ZNF384: variants seen among roughly 807,000 people sequenced by gnomAD.
ZNF384 encodes the protein CAG repeat protein 1.
Under a neutral mutation model 65.0 loss-of-function variants are expected in ZNF384, and 20 were observed. The ratio of observed to expected loss-of-function variants is 0.31; its 90% confidence interval spans 0.22 to 0.45. The LOEUF (loss-of-function observed/expected upper bound fraction) is 0.45, where lower values mean the gene tolerates loss of function less well. Ranked by LOEUF, ZNF384 falls within the 20% of genes least tolerant of loss-of-function variation. The pLI, the probability that ZNF384 is intolerant of heterozygous loss-of-function variation, is 1.00. For missense variants in ZNF384, 549 were observed against 769.4 expected (o/e 0.71, Z 3.39); for synonymous variants, 310 against 303.9 (o/e 1.02, Z -0.21).
chr12:6,679,583 A>G, intron 2 of ZNF384, 58 bp from the exon 3 acceptor site: 1 of 1,413,700 alleles, frequency 7.1e-7, no homozygotes, highest in Non-Finnish European at 1.0e-6. Flanking sequence ...AAAGCTAAGC[A>G]ATGGAGAAGG....
In ZNF384 at chr12:6,667,652, G is replaced by A; in HGVS notation, c.*62C>T. 1.2e-6 allele frequency: 2 copies of A among 1,609,022 alleles called. No individual in the cohort carries two copies. Among genetic ancestry groups the A allele is most frequent in the Non-Finnish European group, 1.7e-6 (2 of 1,176,512 alleles). On this transcript the variant is annotated 3_prime_UTR_variant, in exon 12 of 12. Transcript: ENST00000683879. ...AAGAAAAGGACTTTTCCCACCAAGAGTTGGAGAAAGAAGACACCAGGACTA... is the reference window on the plus strand; with the variant it reads ...AAGAAAAGGACTTTTCCCACCAAGAATTGGAGAAAGAAGACACCAGGACTA...
At position 6,678,155 on chromosome 12, in the gene ZNF384, C is replaced by T; in HGVS notation, c.658G>A (p.Asp220Asn). The change falls in exon 6 of 12, where the codon GAC becomes AAC. Residue 220 changes from aspartate (D) to asparagine (N), a missense_variant. By Grantham distance (23) the Asp-to-Asn change is conservative. This residue lies in a region of ZNF384 where 277 missense variants were observed against 337.2 expected (regional missense o/e 0.82). Transcript: ENST00000683879. The surrounding 1 kb of genome is among the most constrained non-coding windows in gnomAD (Gnocchi z 4.9). ...PYVLSPEDDD[D>N]HQKDGKTYRS... ...TAGGTCTTGCCGTCTTTCTGATGGTCATCATCATCCTCAGGGGAGAGGACA... is the reference window on the plus strand; with the variant it reads ...TAGGTCTTGCCGTCTTTCTGATGGTTATCATCATCCTCAGGGGAGAGGACA... 1.9e-6 allele frequency: 3 copies of T among 1,613,220 alleles called. No individual in the cohort carries two copies. The highest frequency in any genetic ancestry group is 2.5e-6 in the Non-Finnish European group (3 of 1,179,318).
chr12:6,672,131 C>CA lies in ZNF384; in HGVS notation c.1187+218dup. ...CATGGATCAGTGAATATCATATAGT[C>CA]ACTGCAGCTCCCCGACGTAGCTCTT... On this transcript the variant is annotated intron_variant, in intron 9 of 11. Transcript: ENST00000683879. The surrounding 1 kb of genome is among the most constrained non-coding windows in gnomAD (Gnocchi z 4.4). 1.8e-6 allele frequency: 1 copy of CA among 547,856 alleles called. No homozygotes were observed. Among genetic ancestry groups the CA allele is most frequent in the Non-Finnish European group, 3.3e-6 (1 of 304,818 alleles). The allele number at this position is 547,856 out of a possible 1,614,324, so 33.9% of individuals were successfully genotyped here.
rs2136650751 is a variant in ZNF384 at position 6,673,405 on chromosome 12, G to A, written c.815C>T (p.Ser272Leu). 5 of 1,614,098 alleles carry A rather than the reference G, an allele frequency of 3.1e-6. No individual in the cohort carries two copies. The highest frequency in any genetic ancestry group is 3.4e-6 in the Non-Finnish European group (4 of 1,180,022). The change falls in exon 8 of 12, where the codon TCG becomes TTG. Residue 272 changes from serine to leucine, a missense_variant. Ser to Leu is a moderately radical substitution (Grantham distance 145). Transcript: ENST00000683879. This position sits in a 1 kb window ranked among gnomAD's most constrained non-coding sequence, Gnocchi z 4.7. Reference protein sequence around the residue: ...RMCSLTFYSKSEMQIHSKSHT... With the variant: ...RMCSLTFYSKLEMQIHSKSHT... The stretch of plus-strand genomic sequence containing the variant: ...TGACTTGGAGTGGATCTGCATCTCC[G>A]ACTTGGAGTAGAATGTCAGTGAGCA...
intron 2 of ZNF384, among the ~76,000 whole-genome samples, chr12:6,687,138 C>T (rs1404824948): frequency 2.6e-5 from 4 of 152,292 alleles, no homozygotes; most frequent in South Asian, 2.1e-4. Flanking sequence ...TAGGATGTGA[C>T]GCTTTCCCGC....
In ZNF384 at chr12:6,677,216, G is replaced by A; in HGVS notation, c.730C>T (p.Leu244Phe). The A allele has an allele frequency of 7.7e-7, 1 of 1,297,036 alleles. No individual in the cohort carries two copies. 80.3% of individuals were successfully genotyped at this position (1,297,036 alleles called of 1,614,324 possible). A position where few individuals can be genotyped will look rare whatever the true frequency, so the allele number is the denominator to read the frequency against. Residue 244 changes from leucine (L) to phenylalanine (F), a missense_variant, in exon 7 of 12, where the codon CTC (leucine) becomes TTC (phenylalanine). Physicochemically the swap from Leu to Phe is conservative, Grantham distance 22. Coordinates refer to ENST00000683879, the MANE Select transcript of ZNF384 (RefSeq NM_001385745.1). ...CGTGNGQSLG[L>F]MDSVPGSTTN... ...GTGGAGCCGGGAACTGAATCCATGA[G>A]CCCAAGGCTCTGTCCATTTCCTGTG... is the stretch of plus-strand genomic sequence containing the variant.
Position 6,679,447 on chromosome 12 carries a change from C to T in ZNF384, c.66+8G>A. ...ACTTGGAGAGAGCAAGAAAGCAACA[C>T]CACTTACCTGACCTGAGACTGTGGG... On this transcript the variant is annotated splice_region_variant and intron_variant, in intron 3 of 11. Transcript: ENST00000683879. 2 of 1,613,620 alleles carry T rather than the reference C, an allele frequency of 1.2e-6. No individual in the cohort carries two copies. Among genetic ancestry groups the T allele is most frequent in the Non-Finnish European group, 8.5e-7 (1 of 1,179,522 alleles).
chr12:6,679,974 G>C lies in ZNF384; in HGVS notation c.-5-449C>G, dbSNP rs114134697. Among the ~76,000 whole-genome samples the C allele has an allele frequency of 7.7e-3, 1,170 of 152,278 alleles. 16 individuals are homozygous for C. Among genetic ancestry groups the C allele is most frequent in the African/African-American group, 0.025 (1,021 of 41,548 alleles). On this transcript the variant is annotated intron_variant, in intron 2 of 11. Coordinates refer to ENST00000683879, the MANE Select transcript of ZNF384 (RefSeq NM_001385745.1). Reference sequence around the variant, plus strand: ...CTTCAAAACTATATTCCTTGAAATAGAAATTTTAGTTTTTCTGTTTTTGAG... The same window carrying C: ...CTTCAAAACTATATTCCTTGAAATACAAATTTTAGTTTTTCTGTTTTTGAG...
chr12:6,667,876 AGGAGACT>A lies in ZNF384; in HGVS notation c.1658_1664del (p.Gln553LeufsTer25). 1 of 1,613,718 alleles carries A rather than the reference AGGAGACT, an allele frequency of 6.2e-7. No individual in the cohort carries two copies. Among genetic ancestry groups the A allele is most frequent in the Non-Finnish European group, 8.5e-7 (1 of 1,179,914 alleles). ...CACCCCCACCCTGGGGGGCTGCCCC[AGGAGACT>A]GGAAGTGTGGTGGTGGCTGTTGCTG... On this transcript the variant is annotated frameshift_variant, in exon 12 of 12. Coordinates refer to ENST00000683879, the MANE Select transcript of ZNF384 (RefSeq NM_001385745.1). LOFTEE classifies it high-confidence loss of function.
intron 7 of ZNF384, among the ~76,000 whole-genome samples, chr12:6,674,743 T>C (rs1210846257): frequency 6.6e-6 from 1 of 152,234 alleles, no homozygotes; most frequent in Non-Finnish European, 1.5e-5. Flanking sequence ...AGACCTCAAT[T>C]TTCTGGTCTG....
At position 6,672,491 on chromosome 12, in the gene ZNF384, T is replaced by C; in HGVS notation, c.1046A>G (p.Lys349Arg). The C allele has an allele frequency of 6.2e-7, 1 of 1,614,044 alleles. No individual in the cohort carries two copies. The highest frequency in any genetic ancestry group is 8.5e-7 in the Non-Finnish European group (1 of 1,179,988). The change falls in exon 9 of 12, where the codon AAG becomes AGG. Residue 349 changes from lysine to arginine, a missense_variant. Around this residue, in one of 5 missense-constraint regions of ZNF384, gnomAD observed 59 missense variants for 63.6 expected, o/e 0.93. Coordinates refer to ENST00000683879, the MANE Select transcript of ZNF384 (RefSeq NM_001385745.1). This position sits in a 1 kb window ranked among gnomAD's most constrained non-coding sequence, Gnocchi z 4.4. ...KMHTETIKPH[K>R]CPHCSKTFAN... The stretch of plus-strand genomic sequence containing the variant: ...GAAGGTCTTGGAGCAGTGCGGGCAC[T>C]TGTGGGGCTTGATGGTCTCCGTGTG...
At chr12:6,677,964 C>T (rs1216270823) in intron 6 of ZNF384, among the ~76,000 whole-genome samples, 163 bp downstream of exon 6, 2 of 152,220 alleles carry the variant, frequency 1.3e-5, no homozygotes, top group African/African-American at 2.4e-5. Flanking sequence ...ATGCTAGCAG[C>T]TCTGCCTCCT....
rs757792282 is a variant in ZNF384 at position 6,678,314 on chromosome 12, T to C, written c.499A>G (p.Lys167Glu). 6.2e-7 allele frequency: 1 copy of C among 1,614,074 alleles called. No individual in the cohort carries two copies. Among genetic ancestry groups the C allele is most frequent in the South Asian group, 1.1e-5 (1 of 91,068 alleles). Reference protein sequence around the residue: ...ALQVVPDLSKKVASTLTEEGG... With the variant: ...ALQVVPDLSKEVASTLTEEGG... Reference sequence around the variant, plus strand: ...TCCTCGGTTAGGGTCGATGCTACCTTCTTGGAGAGGTCAGGGACAACCTGC... The same window carrying C: ...TCCTCGGTTAGGGTCGATGCTACCTCCTTGGAGAGGTCAGGGACAACCTGC... The change falls in exon 6 of 12, where the codon AAG becomes GAG. Residue 167 changes from lysine to glutamate, a missense_variant. Transcript: ENST00000683879. The surrounding 1 kb of genome is among the most constrained non-coding windows in gnomAD (Gnocchi z 4.9).
At chr12:6,675,219 T>C (rs575762668) in intron 7 of ZNF384, among the ~76,000 whole-genome samples, 34 of 152,226 alleles carry the variant, frequency 2.2e-4, no homozygotes, top group Non-Finnish European at 3.7e-4. Context: ...ATAATGATGA[T>C]GACCACAATG....
Position 6,670,970 on chromosome 12 carries a change from C to T in ZNF384, c.1188-132G>A, listed in dbSNP as rs1177769739. The stretch of plus-strand genomic sequence containing the variant: ...AGATGGGCCTCCAAGAGGCACCAGC[C>T]TTCCTCTCTGATGTGGATCAGGTAC... On this transcript the variant is annotated intron_variant, in intron 9 of 11. Transcript: ENST00000683879. 4 of 702,358 alleles carry T rather than the reference C, an allele frequency of 5.7e-6. No homozygotes were observed. The East Asian group carries it at 7.7e-5, about 14-fold the overall frequency. The allele number at this position is 702,358 out of a possible 1,614,324, so 43.5% of individuals were successfully genotyped here. A position where few individuals can be genotyped will look rare whatever the true frequency, so the allele number is the denominator to read the frequency against.
At position 6,672,476 on chromosome 12, in the gene ZNF384, G is replaced by C. The variant is rs767938937; in HGVS notation, c.1061C>G (p.Ser354Cys). The change falls in exon 9 of 12, where the codon TCC (serine) becomes TGC (cysteine). Residue 354 changes from serine (S) to cysteine (C), a missense_variant. By Grantham distance (112) the Ser-to-Cys change is moderately radical. Around this residue, in one of 5 missense-constraint regions of ZNF384, gnomAD observed 59 missense variants for 63.6 expected, o/e 0.93. Transcript: ENST00000683879. The surrounding 1 kb of genome is among the most constrained non-coding windows in gnomAD (Gnocchi z 4.4). ...GTAGGAGGTGTTGGCGAAGGTCTTG[G>C]AGCAGTGCGGGCACTTGTGGGGCTT... ...TIKPHKCPHC[S>C]KTFANTSYLA... 1 of 1,614,174 alleles carries C rather than the reference G, an allele frequency of 6.2e-7. No individual in the cohort carries two copies. Among genetic ancestry groups the C allele is most frequent in the South Asian group, 1.1e-5 (1 of 91,084 alleles).
chr12:6,671,668 A>G (rs1035182143), intron 9 of ZNF384: 1 of 152,364 alleles, frequency 6.6e-6, no homozygotes, highest in Non-Finnish European at 1.5e-5. Flanking sequence ...GAGACGGTCT[A>G]TGGCCTGTAA....
At chr12:6,684,966 C>A (rs1402183084) in intron 2 of ZNF384, among the ~76,000 whole-genome samples, 1 of 152,162 alleles carries the variant, frequency 6.6e-6, no homozygotes, top group Non-Finnish European at 1.5e-5. Flanking sequence ...CAATCAGGCA[C>A]ATATCAACAT....
chr12:6,672,094 G>A lies in ZNF384; in HGVS notation c.1187+256C>T, dbSNP rs1340761911. ...GAAAAGTTGTTTCTACTCCAGGTACGTGTCTGTCTCCCATGGATCAGTGAA... is the reference window on the plus strand; with the variant it reads ...GAAAAGTTGTTTCTACTCCAGGTACATGTCTGTCTCCCATGGATCAGTGAA... On this transcript the variant is annotated intron_variant, in intron 9 of 11. Transcript: ENST00000683879. This position sits in a 1 kb window ranked among gnomAD's most constrained non-coding sequence, Gnocchi z 4.4. 5 of 426,608 alleles carry A rather than the reference G, an allele frequency of 1.2e-5. No homozygotes were observed. The highest frequency in any genetic ancestry group is 1.7e-5 in the Non-Finnish European group (4 of 235,446). 26.4% of individuals were successfully genotyped at this position (426,608 alleles called of 1,614,324 possible). A position where few individuals can be genotyped will look rare whatever the true frequency, so the allele number is the denominator to read the frequency against.
Sources: allele counts gnomAD v4.1 joint callset (sites outside exome capture counted in the v4.1 genomes callset), GRCh38; gene constraint gnomAD v4.1.1; regional missense constraint gnomAD v4.1.1; non-coding constraint Gnocchi (gnomAD v3.1); transcripts MANE v1.5; gene names NCBI Gene and HGNC (gene_info 2026-07-23, HGNC 2026-07-21).